Variants in CEP126 observed in about 807,000 individuals in gnomAD.
CEP126 encodes centrosomal protein 126.
A neutral mutation model predicts 107.8 loss-of-function variants in CEP126; 74 were observed. The ratio of observed to expected loss-of-function variants is 0.69; its 90% CI spans 0.57 to 0.83. The LOEUF (loss-of-function observed/expected upper bound fraction) is 0.83, where lower values mean the gene tolerates loss of function less well. Ranked by LOEUF, CEP126 falls within the 40% of genes least tolerant of loss-of-function variation. CEP126 has a pLI of 0.00. For missense variants in CEP126, 1,237 were observed against 1,281.9 expected, an observed-to-expected ratio of 0.96 and a Z score of 0.53; for synonymous variants, 449 against 446.0, an observed-to-expected ratio of 1.01 and a Z score of -0.08.
chr11:101,963,522 T>C lies in CEP126; in HGVS notation c.2487T>C (p.Pro829=), dbSNP rs745842952. Reference sequence around the variant, plus strand: ...GTCAACCAGTAACTCCTGAAAATCCTCAAAACATTATTACACATAACTCTT... The same window carrying C: ...GTCAACCAGTAACTCCTGAAAATCCCCAAAACATTATTACACATAACTCTT... ...SQCQPVTPEN[P]QNIITHNSFN... The change falls in exon 6 of 11, where the codon CCT becomes CCC. Residue 829 remains proline (P), a synonymous_variant. Coordinates refer to ENST00000263468, the MANE Select transcript of CEP126 (RefSeq NM_020802.4). 7 of 1,614,052 alleles carry C rather than the reference T, an allele frequency of 4.3e-6. No individual in the cohort carries two copies. Among genetic ancestry groups the C allele is most frequent in the Non-Finnish European group, 5.1e-6 (6 of 1,179,960 alleles).
rs1394514338 is a variant in CEP126 at position 101,941,970 on chromosome 11, G to A, written c.249-2295G>A. 3.9e-5 allele frequency among the ~76,000 whole-genome samples: 6 copies of A among 152,004 alleles called. No homozygotes were observed. The East Asian group carries it at 1.2e-3, about 29-fold the overall frequency. Reference sequence around the variant, plus strand: ...CTTCTTTAGAGAAATTTCTGTTCAAGTCTTTTGCCCATATTTTAAAATCAG... The same window carrying A: ...CTTCTTTAGAGAAATTTCTGTTCAAATCTTTTGCCCATATTTTAAAATCAG... On this transcript the variant is annotated intron_variant, in intron 2 of 10. Transcript: ENST00000263468.
At position 101,915,187 on chromosome 11, in the gene CEP126, A is replaced by C; in HGVS notation, c.-98A>C. 6.5e-7 allele frequency: 1 copy of C among 1,537,216 alleles called. No homozygotes were observed. Among genetic ancestry groups the C allele is most frequent in the Non-Finnish European group, 8.8e-7 (1 of 1,133,708 alleles). ...GCGCCCGTGACGCGGGGCCTGAGAG[A>C]CGGAGTGTAGGGAGGGGCCGAGCAG... On this transcript the variant is annotated 5_prime_UTR_variant, in exon 1 of 11. Transcript: ENST00000263468.
rs1941017984 is a variant in CEP126, at chr11:101,963,659, T to C, written c.2624T>C (p.Leu875Pro). The C allele has an allele frequency of 1.4e-5, 23 of 1,614,130 alleles. No individual in the cohort carries two copies. The highest frequency in any genetic ancestry group is 1.9e-5 in the Non-Finnish European group (23 of 1,179,980). ...CSDLVTVIPS[L>P]PSYCSSECQT... ...GACCTAGTCACTGTGATACCATCAC[T>C]GCCATCATATTGTTCTTCAGAGTGC... The change falls in exon 6 of 11, where the codon CTG (leucine) becomes CCG (proline). Residue 875 changes from leucine (L) to proline (P), a missense_variant. This residue lies in a region of CEP126 where 1,134 missense variants were observed against 1,150.5 expected (regional missense o/e 0.99). Transcript: ENST00000263468.
At chr11:101,997,569 G>T in intron 10 of CEP126, 30 bp from the exon 11 acceptor site, 1 of 1,613,860 alleles carries the variant, frequency 6.2e-7, no homozygotes, top group Non-Finnish European at 8.5e-7. Context: ...GCATGTGTTT[G>T]CATGCTTGTT....
Position 101,962,432 on chromosome 11 carries a change from CATCTAAT to C in CEP126, c.1400_1406del (p.Ser467TyrfsTer14). The C allele has an allele frequency of 6.2e-7, 1 of 1,613,804 alleles. No individual in the cohort carries two copies. Among genetic ancestry groups the C allele is most frequent in the Non-Finnish European group, 8.5e-7 (1 of 1,179,862 alleles). On this transcript the variant is annotated frameshift_variant, in exon 6 of 11. Transcript: ENST00000263468. LOFTEE classifies it high-confidence loss of function. The stretch of plus-strand genomic sequence containing the variant: ...CCAGTGGCAACGCCTTTAGTTTTGC[CATCTAAT>C]ATACAGTCAGCTAGACCTTCAGCAA...
chr11:101,959,358 G>A (rs910474906), intron 5 of CEP126, among the ~76,000 whole-genome samples: 4 of 152,028 alleles, frequency 2.6e-5, no homozygotes, highest in Non-Finnish European at 4.4e-5. Flanking sequence ...GTTTTACCAT[G>A]TTGGCCAGAT....
chr11:101,980,759 A>G (rs1009597460), intron 7 of CEP126, among the ~76,000 whole-genome samples: 6 of 152,220 alleles, frequency 3.9e-5, no homozygotes, highest in Non-Finnish European at 5.9e-5. Context: ...TGACATCTAT[A>G]TGGAGAAAAT....
chr11:101,984,703 T>C (rs989137016), intron 8 of CEP126, among the ~76,000 whole-genome samples: 1 of 152,180 alleles, frequency 6.6e-6, no homozygotes, highest in Non-Finnish European at 1.5e-5. Flanking sequence ...GAGAGGCTTA[T>C]AGGACAAAAA....
intron 6 of CEP126, among the ~76,000 whole-genome samples, chr11:101,969,652 C>G (rs1278291873): frequency 2.0e-5 from 3 of 152,004 alleles, no homozygotes; most frequent in African/African-American, 7.2e-5. Context: ...TATGGAAATG[C>G]AAAGGCAAAG....
intron 2 of CEP126, among the ~76,000 whole-genome samples, chr11:101,924,312 G>A (rs1242953866): frequency 6.6e-6 from 1 of 152,150 alleles, no homozygotes; most frequent in African/African-American, 2.4e-5. Context: ...TTCAGAAGCT[G>A]TCTATGATTA....
Position 101,915,259 on chromosome 11 carries a change from G to C in CEP126, c.-26G>C. 1 of 1,612,350 alleles carries C rather than the reference G, an allele frequency of 6.2e-7. No homozygotes were observed. The highest frequency in any genetic ancestry group is 8.5e-7 in the Non-Finnish European group (1 of 1,179,406). On this transcript the variant is annotated 5_prime_UTR_variant, in exon 1 of 11. Transcript: ENST00000263468. Reference sequence around the variant, plus strand: ...GCCATGAGGGAGGTTCTGGGGGCGAGCAGACAGGCGGCGCTGAAGTGAAGG... The same window carrying C: ...GCCATGAGGGAGGTTCTGGGGGCGACCAGACAGGCGGCGCTGAAGTGAAGG...
Sources: allele counts gnomAD v4.1 joint callset (sites outside exome capture counted in the v4.1 genomes callset), GRCh38; gene constraint gnomAD v4.1.1; regional missense constraint gnomAD v4.1.1; transcripts MANE v1.5; gene names NCBI Gene and HGNC (gene_info 2026-07-23, HGNC 2026-07-21).